Variants in SYN3 observed in about 807,000 individuals in gnomAD.
SYN3 encodes synapsin III.
Under a neutral mutation model 65.8 loss-of-function variants are expected in SYN3, and 35 were observed. The ratio of observed to expected loss-of-function variants is 0.53; its 90% CI spans 0.41 to 0.70. The LOEUF (loss-of-function observed/expected upper bound fraction) is 0.70. Among genes scored for constraint, SYN3 ranks in the 30% least tolerant of loss-of-function variants. The pLI is 0.00. For synonymous variants in SYN3, 270 were observed against 292.9 expected, an observed-to-expected ratio of 0.92 and a Z score of 0.80; for missense variants, 680 against 749.0, an observed-to-expected ratio of 0.91 and a Z score of 1.08.
chr22:32,603,265 C>T (rs1036894002), intron 6 of SYN3, among the ~76,000 whole-genome samples: 3 of 151,424 alleles, frequency 2.0e-5, no homozygotes, highest in Non-Finnish European at 4.4e-5. Context: ...GTAATCCCAG[C>T]ACTTTGGCAG....
intron 5 of SYN3, 110 bp from the exon 6 acceptor site, chr22:32,865,114 T>G: frequency 1.2e-6 from 1 of 847,574 alleles, no homozygotes. Context: ...CGAGCTTCAG[T>G]AGGTGCTATC....
At chr22:32,612,302 T>C (rs964900635) in intron 6 of SYN3, among the ~76,000 whole-genome samples, 1 of 152,188 alleles carries the variant, frequency 6.6e-6, no homozygotes, top group Admixed American at 6.5e-5. Context: ...GTGGGTACCA[T>C]GGGCACCCAA....
At position 32,510,883 on chromosome 22, in the gene SYN3, G is replaced by T. The variant is rs748385044; in HGVS notation, c.*2809C>A. On this transcript the variant is annotated 3_prime_UTR_variant, in exon 14 of 14. Transcript: ENST00000358763. ...TATCTTCTTGGGGGCAAGTGGGGAA[G>T]CCATTCTCCTCTTGAAGCCGGTTAT... is the stretch of plus-strand genomic sequence containing the variant. Among the ~76,000 whole-genome samples the T allele has an allele frequency of 5.3e-5, 8 of 151,834 alleles. No homozygotes were observed.
At chr22:33,056,265 G>A (rs985809310) in intron 1 of SYN3, among the ~76,000 whole-genome samples, 1 of 152,198 alleles carries the variant, frequency 6.6e-6, no homozygotes, top group Admixed American at 6.5e-5. Flanking sequence ...GAAACTTAAA[G>A]GTGAGAGAAA....
At chr22:32,534,387 G>A (rs1051681697) in intron 9 of SYN3, among the ~76,000 whole-genome samples, 3 of 151,956 alleles carry the variant, frequency 2.0e-5, no homozygotes, top group Non-Finnish European at 2.9e-5. Flanking sequence ...AGCCCTGGCC[G>A]GACAAGAGGC....
intron 3 of SYN3, among the ~76,000 whole-genome samples, chr22:32,938,781 A>G (rs1407534395): frequency 6.6e-6 from 1 of 152,072 alleles, no homozygotes; most frequent in Non-Finnish European, 1.5e-5. Flanking sequence ...ACAAAAAATC[A>G]ACAAGGTGTG....
intron 7 of SYN3, among the ~76,000 whole-genome samples, chr22:32,591,501 C>T (rs568114639): frequency 9.8e-5 from 15 of 152,302 alleles, no homozygotes; most frequent in African/African-American, 2.6e-4. Context: ...AGAAGTTCTG[C>T]GCTAAAAGCT....
At chr22:32,852,696 C>T (rs538984323) in intron 6 of SYN3, among the ~76,000 whole-genome samples, 1 of 152,270 alleles carries the variant, frequency 6.6e-6, no homozygotes, top group South Asian at 2.1e-4. Context: ...GAGCCTCTGA[C>T]CCATCTCTCA....
At chr22:32,816,873 A>G (rs932243358) in intron 6 of SYN3, among the ~76,000 whole-genome samples, 1 of 152,122 alleles carries the variant, frequency 6.6e-6, no homozygotes, top group Admixed American at 6.5e-5. Context: ...GTACTGTGGG[A>G]AGGCCTAAAT....
At chr22:32,553,768 G>C (rs1848415905) in intron 7 of SYN3, among the ~76,000 whole-genome samples, 1 of 152,236 alleles carries the variant, frequency 6.6e-6, no homozygotes, top group African/African-American at 2.4e-5. Flanking sequence ...GGGGCCTGGT[G>C]AACTGGTGCT....
chr22:32,693,912 AT>A (rs1404088767), intron 6 of SYN3, among the ~76,000 whole-genome samples: 1 of 151,830 alleles, frequency 6.6e-6, no homozygotes, highest in East Asian at 1.9e-4. Context: ...GAACATCTTT[AT>A]TTTTGTAGAA....
At chr22:33,001,399 C>T (rs1397097210) in intron 2 of SYN3, among the ~76,000 whole-genome samples, 1 of 152,134 alleles carries the variant, frequency 6.6e-6, no homozygotes, top group African/African-American at 2.4e-5. Context: ...TTCACTGTTC[C>T]CCTACCCTAC....
intron 6 of SYN3, among the ~76,000 whole-genome samples, chr22:32,784,190 C>T (rs1269831822): frequency 6.6e-6 from 1 of 152,234 alleles, no homozygotes; most frequent in Non-Finnish European, 1.5e-5. Flanking sequence ...TTGGTATTCA[C>T]AGCCTTGCCT....
chr22:32,986,543 C>T (rs2145686254), intron 2 of SYN3, among the ~76,000 whole-genome samples: 1 of 152,300 alleles, frequency 6.6e-6, no homozygotes, highest in East Asian at 1.9e-4. Context: ...ACTGCTGCCT[C>T]CTTGCCGGGG....
intron 1 of SYN3, among the ~76,000 whole-genome samples, chr22:33,029,694 C>T (rs1291728463): frequency 1.3e-5 from 2 of 152,136 alleles, no homozygotes; most frequent in Non-Finnish European, 2.9e-5. Flanking sequence ...AACCCAGGCT[C>T]TCTGGCTCTG....
At chr22:32,952,481 T>C (rs944818796) in intron 3 of SYN3, among the ~76,000 whole-genome samples, 3 of 152,172 alleles carry the variant, frequency 2.0e-5, no homozygotes, top group Admixed American at 2.0e-4. Flanking sequence ...CAGACTGGTC[T>C]CAGTGGCTCA....
At chr22:32,588,164 G>A (rs1475258137) in intron 7 of SYN3, among the ~76,000 whole-genome samples, 1 of 152,140 alleles carries the variant, frequency 6.6e-6, no homozygotes, top group Admixed American at 6.5e-5. Context: ...CATCTCTAAA[G>A]AATGGAATGG....
At chr22:32,750,998 G>A (rs149667436) in intron 6 of SYN3, among the ~76,000 whole-genome samples, 241 of 152,126 alleles carry the variant, frequency 1.6e-3, no homozygotes, top group African/African-American at 5.6e-3. Context: ...CTGGAGCTGC[G>A]GGTTTTCAAA....
At chr22:33,026,067 A>G (rs532715141) in intron 1 of SYN3, among the ~76,000 whole-genome samples, 2 of 152,320 alleles carry the variant, frequency 1.3e-5, no homozygotes, top group African/African-American at 4.8e-5. Context: ...CTTAGAGCCA[A>G]CTAGATGGCT....
Sources: gnomAD v4.1 joint callset for allele counts (sites outside exome capture counted in the v4.1 genomes callset) on GRCh38, gnomAD v4.1.1 for gene constraint, MANE v1.5 for transcripts, NCBI Gene and HGNC (gene_info 2026-07-23, HGNC 2026-07-21) for gene names.